Variants in ARHGEF10 observed in about 807,000 individuals in gnomAD.
ARHGEF10 encodes the protein Rho guanine nucleotide exchange factor 10, also known as Rho guanine nucleotide exchange factor (GEF) 10.
ARHGEF10 carries 140 observed loss-of-function variants against 147.4 expected under a neutral mutation model. The observed-to-expected ratio is 0.95, with a 90% CI of 0.83 to 1.09. The LOEUF is 1.09. Ranked by LOEUF, ARHGEF10 falls within the 50% of genes least tolerant of loss-of-function variation. The pLI, the probability that ARHGEF10 is intolerant of heterozygous loss-of-function variation, is 0.00. For synonymous variants in ARHGEF10, 902 were observed against 695.8 expected, an observed-to-expected ratio of 1.30 and a Z score of -4.67; for missense variants, 2,222 against 1,752.7, an observed-to-expected ratio of 1.27 and a Z score of -4.78.
chr8:1,948,999 G>A lies in ARHGEF10; in HGVS notation c.3397+3344G>A, dbSNP rs1026550490. On this transcript the variant is annotated intron_variant, in intron 27 of 28. Transcript: ENST00000349830. The surrounding 1 kb of genome is among the most constrained non-coding windows in gnomAD (Gnocchi z 4.9). Reference sequence around the variant, plus strand: ...TTCATTCTAGAGTTGTATTCATGACGATGCTCAAATGGGTTTTCATGTGTG... The same window carrying A: ...TTCATTCTAGAGTTGTATTCATGACAATGCTCAAATGGGTTTTCATGTGTG... Among the ~76,000 whole-genome samples, 18 of 147,036 alleles carry A rather than the reference G, an allele frequency of 1.2e-4. No homozygotes were observed. Among genetic ancestry groups the A allele is most frequent in the African/African-American group, 4.1e-4 (16 of 39,148 alleles).
intron 7 of ARHGEF10, chr8:1,876,162 A>G (rs79843734): frequency 0.011 from 2,749 of 250,248 alleles, 71 homozygotes; most frequent in African/African-American, 0.055. Flanking sequence ...GTCCATCGAC[A>G]TGCCTATCAT....
At chr8:1,905,860 C>T in intron 17 of ARHGEF10, 144 bp downstream of exon 17, 1 of 987,442 alleles carries the variant, frequency 1.0e-6, no homozygotes, top group South Asian at 1.4e-5. Context: ...TAAGGGAACC[C>T]TTATAATAAG....
At chr8:1,945,087 G>A (rs1345888173) in intron 26 of ARHGEF10, among the ~76,000 whole-genome samples, 1 of 152,264 alleles carries the variant, frequency 6.6e-6, no homozygotes, top group African/African-American at 2.4e-5. Flanking sequence ...TCAGGCTGCA[G>A]GCAGGCAGTG....
At chr8:1,886,364 A>G (rs1358416557) in intron 11 of ARHGEF10, among the ~76,000 whole-genome samples, 2 of 152,186 alleles carry the variant, frequency 1.3e-5, no homozygotes, top group Non-Finnish European at 2.9e-5. Context: ...ATAGGCAGAC[A>G]TATGTGTAAT....
In ARHGEF10 at chr8:1,937,952, G is replaced by A. The variant is rs181867888; in HGVS notation, c.3222+4010G>A. Among the ~76,000 whole-genome samples, 267 of 152,286 alleles carry A rather than the reference G, an allele frequency of 1.8e-3. No individual in the cohort carries two copies. Among genetic ancestry groups the A allele is most frequent in the Middle Eastern group, 3.4e-3 (1 of 294 alleles). ...CATACCGGTGGGGGTGGCTGGCCCC[G>A]TCCCAGCTCTGGCGCCATAACAAAG... On this transcript the variant is annotated intron_variant, in intron 26 of 28. Transcript: ENST00000349830. This position sits in a 1 kb window ranked among gnomAD's most constrained non-coding sequence, Gnocchi z 4.9.
At chr8:1,888,740 GGAGACACTGAATAGGGTGAGGT>G (rs1809046997) in intron 11 of ARHGEF10, among the ~76,000 whole-genome samples, 4 of 84,978 alleles carry the variant, frequency 4.7e-5, no homozygotes, top group Admixed American at 2.3e-4. Flanking sequence ...AGGTTTGTGA[GGAGACACTGAATAGGGTGAGGT>G]TTGTGAGGAG....
intron 23 of ARHGEF10, chr8:1,926,806 G>T: frequency 5.8e-6 from 2 of 344,336 alleles, no homozygotes; most frequent in South Asian, 2.8e-5. Context: ...TTCCAAGACT[G>T]GCTTTTTCCA....
At chr8:1,884,911 C>G (rs528679126) in intron 10 of ARHGEF10, among the ~76,000 whole-genome samples, 1 of 152,096 alleles carries the variant, frequency 6.6e-6, no homozygotes, top group Admixed American at 6.5e-5. Flanking sequence ...AGTACAGGTG[C>G]TCACAACCAT....
intron 26 of ARHGEF10, among the ~76,000 whole-genome samples, chr8:1,938,812 G>T (rs921722765): frequency 1.3e-5 from 2 of 152,060 alleles, no homozygotes; most frequent in Non-Finnish European, 2.9e-5. Context: ...CAGCAGAAGA[G>T]GCCAGAGATC....
chr8:1,859,688 C>T (rs1192969144), intron 3 of ARHGEF10, among the ~76,000 whole-genome samples: 2 of 152,216 alleles, frequency 1.3e-5, no homozygotes, highest in African/African-American at 2.4e-5. Flanking sequence ...GACCAGGCTG[C>T]ATCCGTCTCA....
intron 2 of ARHGEF10, among the ~76,000 whole-genome samples, chr8:1,850,311 T>C (rs1387887494): frequency 4.5e-5 from 5 of 111,856 alleles, no homozygotes; most frequent in African/African-American, 1.9e-4. Context: ...CGGCAAATGC[T>C]GAGGAGGGCG....
chr8:1,855,295 A>G (rs1261699659), intron 2 of ARHGEF10, among the ~76,000 whole-genome samples: 1 of 152,236 alleles, frequency 6.6e-6, no homozygotes, highest in Non-Finnish European at 1.5e-5. Context: ...AGAGTTGACA[A>G]TATAAAAATC....
intron 4 of ARHGEF10, among the ~76,000 whole-genome samples, chr8:1,861,231 C>T: frequency 6.6e-6 from 1 of 152,272 alleles, no homozygotes; most frequent in East Asian, 1.9e-4. Flanking sequence ...TCTCTGCTGT[C>T]CTTACATGGC....
At chr8:1,889,500 A>T (rs183058870) in intron 11 of ARHGEF10, among the ~76,000 whole-genome samples, 1 of 42,234 alleles carries the variant, frequency 2.4e-5, no homozygotes, top group Admixed American at 2.8e-4. Context: ...GGGGTCTGTG[A>T]GGAGACACTG....
intron 1 of ARHGEF10, among the ~76,000 whole-genome samples, chr8:1,842,885 T>C (rs1440193590): frequency 6.7e-6 from 1 of 149,960 alleles, no homozygotes; most frequent in East Asian, 2.0e-4. Flanking sequence ...CCAAAAGGAG[T>C]GGAGAGGGCC....
intron 26 of ARHGEF10, among the ~76,000 whole-genome samples, chr8:1,938,070 T>A (rs1311328120): frequency 6.6e-6 from 1 of 152,098 alleles, no homozygotes; most frequent in Non-Finnish European, 1.5e-5. Context: ...GTCAGGGCCG[T>A]CAGGAGCAGA....
At chr8:1,930,009 G>A (rs1435549683) in intron 25 of ARHGEF10, among the ~76,000 whole-genome samples, 1 of 152,160 alleles carries the variant, frequency 6.6e-6, no homozygotes, top group Admixed American at 6.5e-5. Flanking sequence ...CTGCCGCGTT[G>A]GTGGCAGCTG....
At chr8:1,895,899 C>T (rs1439149813) in intron 13 of ARHGEF10, among the ~76,000 whole-genome samples, 1 of 152,118 alleles carries the variant, frequency 6.6e-6, no homozygotes, top group Admixed American at 6.5e-5. Flanking sequence ...GATCAGCCCC[C>T]GCCCCCAGCC....
intron 2 of ARHGEF10, among the ~76,000 whole-genome samples, chr8:1,857,302 TG>T (rs1317493677): frequency 1.3e-5 from 2 of 152,158 alleles, no homozygotes; most frequent in Non-Finnish European, 2.9e-5. Flanking sequence ...AAAAGTAAAG[TG>T]GATGATACTG....
Sources: gnomAD v4.1 joint callset for allele counts (sites outside exome capture counted in the v4.1 genomes callset) on GRCh38, gnomAD v4.1.1 for gene constraint, Gnocchi (gnomAD v3.1) non-coding constraint, MANE v1.5 for transcripts, NCBI Gene and HGNC (gene_info 2026-07-23, HGNC 2026-07-21) for gene names.